The following HNRNPC variants were observed in gnomAD, a reference collection of about 807,000 sequenced individuals.
The protein encoded by HNRNPC is heterogeneous nuclear ribonucleoproteins C1/C2.
In HNRNPC, 3 loss-of-function variants were observed where a neutral mutation model predicts 33.2. The observed-to-expected ratio is 0.09, with a 90% CI of 0.04 to 0.23. HNRNPC has a LOEUF of 0.23. HNRNPC is among the 10% of genes least tolerant of loss of function. The pLI is 1.00. For synonymous variants in HNRNPC, 121 were observed against 126.7 expected, an observed-to-expected ratio of 0.96 and a Z score of 0.30; for missense variants, 143 against 366.7, an observed-to-expected ratio of 0.39 and a Z score of 4.98.
rs1879582511 is a variant in HNRNPC, at chr14:21,269,419, C to G, written c.-184G>C. 1 of 155,472 alleles carries G rather than the reference C, an allele frequency of 6.4e-6. No homozygotes were observed. The highest frequency in any genetic ancestry group is 2.4e-5 in the African/African-American group (1 of 41,550). The allele number at this position is 155,472 out of a possible 1,614,324, so 9.6% of individuals were successfully genotyped here. A position where few individuals can be genotyped will look rare whatever the true frequency, so the allele number is the denominator to read the frequency against. On this transcript the variant is annotated 5_prime_UTR_variant, in exon 1 of 9. Transcript: ENST00000553300. The stretch of plus-strand genomic sequence containing the variant: ...CAACCGCTCAGTCTTCGTCTCTTCA[C>G]AAAATGGCCCCCGAGTCTCCTCTGC...
intron 2 of HNRNPC, among the ~76,000 whole-genome samples, chr14:21,255,498 C>T (rs753237445): frequency 5.3e-5 from 8 of 152,204 alleles, no homozygotes; most frequent in Non-Finnish European, 1.2e-4. Flanking sequence ...AATGCTAACT[C>T]GACTCTATCA....
chr14:21,216,835 G>A (rs1340762839), intron 5 of HNRNPC, among the ~76,000 whole-genome samples: 1 of 152,106 alleles, frequency 6.6e-6, no homozygotes, highest in Admixed American at 6.5e-5. Context: ...TAAAAAAACT[G>A]ATATAAAAAA....
chr14:21,266,208 T>C (rs984644810), intron 1 of HNRNPC, among the ~76,000 whole-genome samples: 1 of 152,168 alleles, frequency 6.6e-6, no homozygotes, highest in Non-Finnish European at 1.5e-5. Context: ...GTTCAAGCGA[T>C]TCTCCTGCCT....
chr14:21,241,362 A>G (rs150137353), intron 2 of HNRNPC, among the ~76,000 whole-genome samples: 1 of 152,166 alleles, frequency 6.6e-6, no homozygotes, highest in African/African-American at 2.4e-5. Context: ...AATATGCTAT[A>G]TATGTAAAAT....
chr14:21,228,023 A>T (rs911479771), intron 5 of HNRNPC, among the ~76,000 whole-genome samples: 1 of 152,244 alleles, frequency 6.6e-6, no homozygotes, highest in Non-Finnish European at 1.5e-5. Context: ...ACTGAAAAAT[A>T]TACTAGTACT....
intron 2 of HNRNPC, among the ~76,000 whole-genome samples, chr14:21,261,001 G>A (rs1225559731): frequency 6.8e-6 from 1 of 147,666 alleles, no homozygotes; most frequent in Non-Finnish European, 1.5e-5. Flanking sequence ...TCATTATGTT[G>A]CCCAGCCTGG....
chr14:21,230,699 A>G, intron 4 of HNRNPC: 1 of 480,012 alleles, frequency 2.1e-6, no homozygotes, highest in Non-Finnish European at 3.7e-6. Context: ...TAGAAGCTCA[A>G]CGATCCTGTA....
chr14:21,225,413 T>G (rs1372104835), intron 5 of HNRNPC, among the ~76,000 whole-genome samples: 1 of 148,362 alleles, frequency 6.7e-6, no homozygotes, highest in African/African-American at 2.5e-5. Flanking sequence ...GCCTGGGCAA[T>G]AGAGCAAGAC....
intron 2 of HNRNPC, among the ~76,000 whole-genome samples, chr14:21,258,559 C>T (rs571918553): frequency 2.6e-5 from 4 of 152,282 alleles, no homozygotes; most frequent in Non-Finnish European, 4.4e-5. Flanking sequence ...ACCTCTAAAA[C>T]ATGAATAACA....
chr14:21,255,749 T>C (rs1397571614), intron 2 of HNRNPC, among the ~76,000 whole-genome samples: 1 of 152,250 alleles, frequency 6.6e-6, no homozygotes, highest in Non-Finnish European at 1.5e-5. Flanking sequence ...CAATGTTAAT[T>C]GTTTGGCATA....
chr14:21,237,589 A>C (rs1202261373), intron 2 of HNRNPC, among the ~76,000 whole-genome samples: 1 of 152,178 alleles, frequency 6.6e-6, no homozygotes, highest in African/African-American at 2.4e-5. Context: ...ATTGATGCTT[A>C]AACAATACCA....
chr14:21,214,948 A>C (rs750351526), intron 5 of HNRNPC, among the ~76,000 whole-genome samples: 2 of 152,182 alleles, frequency 1.3e-5, no homozygotes, highest in African/African-American at 2.4e-5. Flanking sequence ...CTACCTCCTA[A>C]GCCACAAACC....
intron 2 of HNRNPC, chr14:21,234,688 T>C (rs919801155): frequency 1.2e-5 from 2 of 160,294 alleles, no homozygotes; most frequent in African/African-American, 4.8e-5. Flanking sequence ...CGGTTCTGTA[T>C]ATATACACAC....
At position 21,209,911 on chromosome 14, in the gene HNRNPC, T is replaced by C. The variant is rs1345594383; in HGVS notation, c.*1312A>G. 6.6e-6 allele frequency: 1 copy of C among 152,176 alleles called. No homozygotes were observed. The highest frequency in any genetic ancestry group is 2.4e-5 in the African/African-American group (1 of 41,448). 9.4% of individuals were successfully genotyped at this position (152,176 alleles called of 1,614,324 possible). A position where few individuals can be genotyped will look rare whatever the true frequency, so the allele number is the denominator to read the frequency against. ...TTACAACTGGATGCTAAAAATGCAA[T>C]CACTGTAATTAATAAAGTTGAGGAA... On this transcript the variant is annotated 3_prime_UTR_variant, in exon 9 of 9. Transcript: ENST00000553300.
At chr14:21,229,386 AAT>A (rs1259866262) in intron 5 of HNRNPC, among the ~76,000 whole-genome samples, 3 of 151,790 alleles carry the variant, frequency 2.0e-5, no homozygotes, top group Non-Finnish European at 2.9e-5. Context: ...AAAAAAAAAA[AAT>A]CTGAGGAAAC....
At position 21,210,541 on chromosome 14, in the gene HNRNPC, C is replaced by A. The variant is rs1208167981; in HGVS notation, c.*682G>T. ...ATAATAAAATACAAAAATAAAAAAC[C>A]AGGGTTTTTTTTTTCTCCAAATTCC... is the stretch of plus-strand genomic sequence containing the variant. On this transcript the variant is annotated 3_prime_UTR_variant, in exon 9 of 9. Coordinates refer to ENST00000553300, the MANE Select transcript of HNRNPC (RefSeq NM_004500.4). 6.6e-6 allele frequency: 1 copy of A among 151,604 alleles called. No individual in the cohort carries two copies. The highest frequency in any genetic ancestry group is 1.5e-5 in the Non-Finnish European group (1 of 67,694). The allele number at this position is 151,604 out of a possible 1,614,324, so 9.4% of individuals were successfully genotyped here.
intron 1 of HNRNPC, among the ~76,000 whole-genome samples, chr14:21,267,095 C>CAAAA (rs56203257): frequency 8.1e-4 from 84 of 104,072 alleles, no homozygotes; most frequent in African/African-American, 1.2e-3. Flanking sequence ...GACTCCGTCT[C>CAAAA]AAAAAAAAAA....
chr14:21,232,512 G>A (rs753171901), intron 3 of HNRNPC, among the ~76,000 whole-genome samples: 3 of 151,812 alleles, frequency 2.0e-5, no homozygotes, highest in Non-Finnish European at 2.9e-5. Flanking sequence ...TGGGATTACC[G>A]GTACCCAGAA....
chr14:21,221,003 C>T (rs990130996), intron 5 of HNRNPC, among the ~76,000 whole-genome samples: 2 of 152,102 alleles, frequency 1.3e-5, no homozygotes, highest in African/African-American at 4.8e-5. Flanking sequence ...AGGAGGATCC[C>T]TTGAAACCGG....
Sources: gnomAD v4.1 joint callset for allele counts (sites outside exome capture counted in the v4.1 genomes callset) on GRCh38, gnomAD v4.1.1 for gene constraint, MANE v1.5 for transcripts, NCBI Gene and HGNC (gene_info 2026-07-23, HGNC 2026-07-21) for gene names.